The following RGS7 variants were observed in gnomAD, a reference collection of about 807,000 sequenced individuals.
The protein encoded by RGS7 is regulator of G-protein signaling 7.
In RGS7, 27 loss-of-function variants were observed where a neutral mutation model predicts 81.1. That is an observed-to-expected ratio of 0.33 (90% confidence interval 0.25 to 0.46). RGS7 has a LOEUF of 0.46. Among genes scored for constraint, RGS7 ranks in the 20% least tolerant of loss-of-function variants. The pLI is 1.00. For synonymous variants in RGS7, 208 were observed against 207.7 expected (o/e 1.00, Z -0.01); for missense variants, 396 against 607.4 (o/e 0.65, Z 3.66).
At chr1:241,305,894 G>A in intron 2 of RGS7, 1 of 218,964 alleles carries the variant, frequency 4.6e-6, no homozygotes, top group Non-Finnish European at 9.3e-6. Flanking sequence ...GACCATGGCT[G>A]TTGCTCTCCG....
chr1:241,196,876 T>A (rs187761965), intron 2 of RGS7, among the ~76,000 whole-genome samples: 1 of 151,850 alleles, frequency 6.6e-6, no homozygotes, highest in Non-Finnish European at 1.5e-5. Context: ...AGGGATGTAT[T>A]ATATTTCATA....
chr1:241,272,377 C>T (rs559998106), intron 2 of RGS7, among the ~76,000 whole-genome samples: 1 of 152,288 alleles, frequency 6.6e-6, no homozygotes, highest in East Asian at 1.9e-4. Flanking sequence ...TTTCCTACAG[C>T]TTCCCCCTCC....
At chr1:240,782,124 C>T (rs528631187) in intron 18 of RGS7, among the ~76,000 whole-genome samples, 2 of 152,270 alleles carry the variant, frequency 1.3e-5, no homozygotes, top group African/African-American at 4.8e-5. Context: ...ATTTGTAAAC[C>T]ATGTGCAAAT....
intron 2 of RGS7, among the ~76,000 whole-genome samples, chr1:241,150,143 T>C (rs562132861): frequency 6.6e-6 from 1 of 152,246 alleles, no homozygotes; most frequent in South Asian, 2.1e-4. Context: ...TGCAACGTAT[T>C]TGAGCAAAAA....
At chr1:241,134,685 G>A (rs1321937688) in intron 2 of RGS7, among the ~76,000 whole-genome samples, 4 of 152,174 alleles carry the variant, frequency 2.6e-5, no homozygotes, top group Non-Finnish European at 5.9e-5. Context: ...AGGGGCTTGC[G>A]GGAAATGAAT....
At chr1:241,295,639 C>T (rs9782891) in intron 2 of RGS7, among the ~76,000 whole-genome samples, 55,660 of 151,922 alleles carry the variant, frequency 0.37, 10,771 homozygotes, top group Admixed American at 0.43. Flanking sequence ...CCTTGAATGC[C>T]ATGTTTAGGG....
chr1:241,078,497 G>A (rs2062957571), intron 3 of RGS7, among the ~76,000 whole-genome samples: 1 of 151,562 alleles, frequency 6.6e-6, no homozygotes, highest in Non-Finnish European at 1.5e-5. Context: ...GTGTGTGTGT[G>A]TGTGTATATA....
chr1:241,117,679 G>C (rs1558740285), intron 2 of RGS7, among the ~76,000 whole-genome samples: 1 of 152,194 alleles, frequency 6.6e-6, no homozygotes, highest in Non-Finnish European at 1.5e-5. Flanking sequence ...AAGTGGAAGA[G>C]TGTAATGTAC....
At chr1:241,170,650 A>G (rs1006418705) in intron 2 of RGS7, among the ~76,000 whole-genome samples, 27 of 152,176 alleles carry the variant, frequency 1.8e-4, no homozygotes, top group Admixed American at 1.4e-3. Flanking sequence ...CAATGATGCA[A>G]TTACAAATAA....
intron 6 of RGS7, among the ~76,000 whole-genome samples, chr1:240,912,044 G>T (rs1030355475): frequency 1.3e-5 from 2 of 150,432 alleles, no homozygotes; most frequent in Non-Finnish European, 3.0e-5. Context: ...CCAGCTACTC[G>T]GGAGGGTGAG....
chr1:240,812,008 C>G lies in RGS7; in HGVS notation c.992G>C (p.Gly331Ala). The G allele has an allele frequency of 6.2e-7, 1 of 1,614,132 alleles. No individual in the cohort carries two copies. Among genetic ancestry groups the G allele is most frequent in the South Asian group, 1.1e-5 (1 of 91,076 alleles). The change falls in exon 14 of 19, where the codon GGT becomes GCT. Residue 331 changes from glycine (G) to alanine (A), a missense_variant. By Grantham distance (60) the Gly-to-Ala change is moderately conservative. Transcript: ENST00000440928. Reference protein sequence around the residue: ...EPSQQRVKRWGFGMDEALKDP... With the variant: ...EPSQQRVKRWAFGMDEALKDP... Reference sequence around the variant, plus strand: ...TTTCAATGCCTCGTCCATGCCAAAACCCCATCGTTTTACCCTCTGCTGGCT... The same window carrying G: ...TTTCAATGCCTCGTCCATGCCAAAAGCCCATCGTTTTACCCTCTGCTGGCT...
At chr1:241,187,217 T>TA (rs1203985665) in intron 2 of RGS7, among the ~76,000 whole-genome samples, 1 of 152,126 alleles carries the variant, frequency 6.6e-6, no homozygotes, top group Non-Finnish European at 1.5e-5. Flanking sequence ...TAGTGTTACA[T>TA]AAAATCTCAA....
intron 3 of RGS7, among the ~76,000 whole-genome samples, chr1:241,010,325 C>T (rs1424812890): frequency 6.6e-6 from 1 of 152,076 alleles, no homozygotes; most frequent in African/African-American, 2.4e-5. Context: ...TGTGGTAGAG[C>T]CAAAGAATTA....
At chr1:240,946,737 C>T in intron 4 of RGS7, among the ~76,000 whole-genome samples, 1 of 152,048 alleles carries the variant, frequency 6.6e-6, no homozygotes, top group Admixed American at 6.5e-5. Flanking sequence ...AGGTGGGGGA[C>T]TGGGACAGGC....
At position 241,262,866 on chromosome 1, in the gene RGS7, C is replaced by T. The variant is rs550822717; in HGVS notation, c.78+92833G>A. On this transcript the variant is annotated intron_variant, in intron 2 of 18. Transcript: ENST00000440928. ...CTGTAATTCCAGCACTTTGGGAGGCCGAGGCGGGTGGATCACGAGGTCAGG... is the reference window on the plus strand; with the variant it reads ...CTGTAATTCCAGCACTTTGGGAGGCTGAGGCGGGTGGATCACGAGGTCAGG... Among the ~76,000 whole-genome samples the T allele has an allele frequency of 2.6e-5, 4 of 152,082 alleles. No homozygotes were observed. In the South Asian group the frequency reaches 8.3e-4, roughly 32 times the overall value.
chr1:240,855,268 T>G (rs1436308161), intron 9 of RGS7, among the ~76,000 whole-genome samples: 2 of 137,490 alleles, frequency 1.5e-5, no homozygotes, highest in African/African-American at 2.8e-5. Flanking sequence ...TTACACATGC[T>G]GTTGCATTCC....
intron 2 of RGS7, among the ~76,000 whole-genome samples, chr1:241,305,255 C>T (rs762421087): frequency 1.3e-5 from 2 of 152,258 alleles, no homozygotes; most frequent in African/African-American, 2.4e-5. Context: ...GAAAACAAGT[C>T]GATGGAGAAA....
intron 6 of RGS7, among the ~76,000 whole-genome samples, chr1:240,908,836 C>G (rs1403032592): frequency 1.3e-5 from 2 of 152,218 alleles, no homozygotes; most frequent in African/African-American, 4.8e-5. Flanking sequence ...ATCTGTGATT[C>G]TCAAAGAAAG....
chr1:241,069,673 G>T (rs996288391), intron 3 of RGS7, among the ~76,000 whole-genome samples: 6 of 152,068 alleles, frequency 3.9e-5, no homozygotes, highest in Non-Finnish European at 4.4e-5. Flanking sequence ...TGGCTGAAAG[G>T]GATGTTTAGT....
Sources: gnomAD v4.1 joint callset for allele counts (sites outside exome capture counted in the v4.1 genomes callset) on GRCh38, gnomAD v4.1.1 for gene constraint, MANE v1.5 for transcripts, NCBI Gene and HGNC (gene_info 2026-07-23, HGNC 2026-07-21) for gene names.